Variants in BAIAP3 observed in about 807,000 individuals in gnomAD.
The protein encoded by BAIAP3 is BAI1 associated protein 3.
BAIAP3 carries 180 observed loss-of-function variants against 149.7 expected under a neutral mutation model. The ratio of observed to expected loss-of-function variants is 1.20; its 90% CI spans 1.07 to 1.36. The LOEUF (loss-of-function observed/expected upper bound fraction) is 1.36. BAIAP3 is among the 40% of genes most tolerant of loss of function. The pLI is 0.00. For missense variants in BAIAP3, 1,767 were observed against 1,563.4 expected, an observed-to-expected ratio of 1.13 and a Z score of -2.20; for synonymous variants, 845 against 670.7, an observed-to-expected ratio of 1.26 and a Z score of -4.02.
Position 1,347,794 on chromosome 16 carries a change from G to C in BAIAP3, c.2998G>C (p.Ala1000Pro), listed in dbSNP as rs748030455. 1.2e-6 allele frequency: 2 copies of C among 1,607,368 alleles called. No homozygotes were observed. Among genetic ancestry groups the C allele is most frequent in the African/African-American group, 1.3e-5 (1 of 74,832 alleles). Residue 1000 changes from alanine (A) to proline (P), a missense_variant, in exon 31 of 34, where the codon GCG becomes CCG. Coordinates refer to ENST00000426824, the MANE Select transcript of BAIAP3 (RefSeq NM_001199097.2). The stretch of plus-strand genomic sequence containing the variant: ...GCTGGCCGTGGAGGTGCTGCACGCC[G>C]CGGACCTGCTCCCCCTGGACGCCAA... ...QRLAVEVLHA[A>P]DLLPLDANGL...
At position 1,346,271 on chromosome 16, in the gene BAIAP3, G is replaced by T; in HGVS notation, c.2403G>T (p.Val801=). The T allele has an allele frequency of 1.2e-6, 2 of 1,609,754 alleles. No homozygotes were observed. The highest frequency in any genetic ancestry group is 1.7e-6 in the Non-Finnish European group (2 of 1,178,132). ...AGGGGGCCACGGGGCCCGAGGGGGT[G>T]CTCCCCCGCCCTCTGCTCAGCTGCA... ...WPEGATGPEG[V]LPRPLLSCTQ... is the part of the protein sequence containing the mutation. Residue 801 remains valine, a synonymous_variant, in exon 25 of 34, where the codon GTG becomes GTT. Coordinates refer to ENST00000426824, the MANE Select transcript of BAIAP3 (RefSeq NM_001199097.2).
intron 15 of BAIAP3, among the ~76,000 whole-genome samples, 160 bp from the exon 16 acceptor site, chr16:1,343,862 C>T (rs2034106948): frequency 8.1e-6 from 1 of 123,314 alleles, no homozygotes; most frequent in East Asian, 2.0e-4. Flanking sequence ...TGGGACAGGC[C>T]GTCTGGGACA....
chr16:1,349,029 C>T lies in BAIAP3; in HGVS notation c.*547C>T, dbSNP rs533433331. ...TCCAGTCCCCACGGGGCTCCCAGGC[C>T]GGGGAAAGGTTCCCCTGAGGTCACT... On this transcript the variant is annotated 3_prime_UTR_variant, in exon 34 of 34. Coordinates refer to ENST00000426824, the MANE Select transcript of BAIAP3 (RefSeq NM_001199097.2). The T allele has an allele frequency of 4.2e-5, 12 of 284,210 alleles. No individual in the cohort carries two copies. The highest frequency in any genetic ancestry group is 1.1e-4 in the African/African-American group (5 of 45,138). 17.6% of individuals were successfully genotyped at this position (284,210 alleles called of 1,614,324 possible).
chr16:1,336,893 G>A (rs145162485), intron 1 of BAIAP3, among the ~76,000 whole-genome samples: 1 of 152,364 alleles, frequency 6.6e-6, no homozygotes, highest in East Asian at 1.9e-4. Context: ...CACTGGCAAG[G>A]GAAGGGACCC....
At chr16:1,339,447 GCTGGGGGC>G (rs1567159805) in intron 4 of BAIAP3, 41 bp from the exon 5 acceptor site, 1 of 1,559,920 alleles carries the variant, frequency 6.4e-7, no homozygotes, top group Admixed American at 1.8e-5. Flanking sequence ...GCTGCTGAGG[GCTGGGGGC>G]CTGGGACGCG....
rs763915243 is a variant in BAIAP3, at chr16:1,338,544, C to T, written c.-6C>T. 2.5e-6 allele frequency: 4 copies of T among 1,602,490 alleles called. No individual in the cohort carries two copies. Among genetic ancestry groups the T allele is most frequent in the Middle Eastern group, 1.8e-4 (1 of 5,614 alleles). On this transcript the variant is annotated 5_prime_UTR_variant, in exon 2 of 34. Transcript: ENST00000426824. Reference sequence around the variant, plus strand: ...GGGCTGTGCTCTCTGCTGTAGGTCACCCGCCATGTCGACCTTGCTGGACAT... The same window carrying T: ...GGGCTGTGCTCTCTGCTGTAGGTCATCCGCCATGTCGACCTTGCTGGACAT...
At chr16:1,339,429 C>G in intron 4 of BAIAP3, 67 bp from the exon 5 acceptor site, 1 of 1,522,080 alleles carries the variant, frequency 6.6e-7, no homozygotes, top group Admixed American at 1.9e-5. Context: ...CTCAGGCAGA[C>G]AGGAGGTGCT....
In BAIAP3 at chr16:1,348,233, C is replaced by T; in HGVS notation, c.3287C>T (p.Pro1096Leu). 6.2e-7 allele frequency: 1 copy of T among 1,606,446 alleles called. No homozygotes were observed. Among genetic ancestry groups the T allele is most frequent in the Non-Finnish European group, 8.5e-7 (1 of 1,178,530 alleles). The change falls in exon 33 of 34, where the codon CCC becomes CTC. Residue 1096 changes from proline (P) to leucine (L), a missense_variant. Coordinates refer to ENST00000426824, the MANE Select transcript of BAIAP3 (RefSeq NM_001199097.2). ...GLGGVTGVAR[P>L]QVGGGARAGQ... Reference sequence around the variant, plus strand: ...GGTGGCGTCACTGGTGTCGCCCGGCCCCAGGTGGGCGGGGGTGCAAGGGCT... The same window carrying T: ...GGTGGCGTCACTGGTGTCGCCCGGCTCCAGGTGGGCGGGGGTGCAAGGGCT...
chr16:1,347,520 C>CG, intron 29 of BAIAP3, 25 bp from the exon 30 acceptor site: 1 of 1,587,382 alleles, frequency 6.3e-7, no homozygotes, highest in African/African-American at 1.3e-5. Flanking sequence ...CCCAGGGGCC[C>CG]CTCCTGATGC....
At chr16:1,340,852 G>A in intron 5 of BAIAP3, 70 bp from the exon 6 acceptor site, 1 of 1,499,200 alleles carries the variant, frequency 6.7e-7, no homozygotes, top group Non-Finnish European at 9.1e-7. Flanking sequence ...CTGAGCCCGA[G>A]GTCCCAGCAC....
At position 1,346,481 on chromosome 16, in the gene BAIAP3, C is replaced by A. The variant is rs1369514927; in HGVS notation, c.2533C>A (p.Leu845Ile). 1 of 1,612,180 alleles carries A rather than the reference C, an allele frequency of 6.2e-7. No individual in the cohort carries two copies. The highest frequency in any genetic ancestry group is 2.2e-5 in the East Asian group (1 of 44,844). ...CCGCAAGTATGTACAGCACATCAGT[C>A]TCTCGCCTGACTCCATCCAGAACGA... ...DIRKYVQHISLSPDSIQNDEA... is the reference protein window; with the variant it reads ...DIRKYVQHISISPDSIQNDEA... Residue 845 changes from leucine (L) to isoleucine (I), a missense_variant, in exon 26 of 34, where the codon CTC (leucine) becomes ATC (isoleucine). Physicochemically the swap from Leu to Ile is conservative, Grantham distance 5. Transcript: ENST00000426824.
Position 1,345,845 on chromosome 16 carries a change from G to T in BAIAP3, c.2163G>T (p.Trp721Cys). 1 of 1,579,144 alleles carries T rather than the reference G, an allele frequency of 6.3e-7. No individual in the cohort carries two copies. Among genetic ancestry groups the T allele is most frequent in the Non-Finnish European group, 8.6e-7 (1 of 1,164,506 alleles). ...AGGAGTTGTGGGTGCGCCTGGCGTG[G>T]CCTGACCCTGCCCAGGCTCAGGGGC... Reference protein sequence around the residue: ...HIQELWVRLAWPDPAQAQGLG... With the variant: ...HIQELWVRLACPDPAQAQGLG... The change falls in exon 23 of 34, where the codon TGG becomes TGT. Residue 721 changes from tryptophan (W) to cysteine (C), a missense_variant. Trp to Cys is a radical substitution (Grantham distance 215). Transcript: ENST00000426824.
Position 1,345,845 on chromosome 16 carries a change from GC to G in BAIAP3, c.2165del (p.Pro722LeufsTer43). The G allele has an allele frequency of 1.3e-6, 2 of 1,579,144 alleles. No individual in the cohort carries two copies. The highest frequency in any genetic ancestry group is 1.7e-6 in the Non-Finnish European group (2 of 1,164,506). On this transcript the variant is annotated frameshift_variant, in exon 23 of 34. Transcript: ENST00000426824. LOFTEE classifies it high-confidence loss of function. The part of the protein sequence containing the change: ...IQELWVRLAW[P>X]DPAQAQGLGT... ...AGGAGTTGTGGGTGCGCCTGGCGTG[GC>G]CTGACCCTGCCCAGGCTCAGGGGCT...
chr16:1,346,570 C>T (rs377158257), intron 26 of BAIAP3, 35 bp from the exon 27 acceptor site: 14 of 1,569,668 alleles, frequency 8.9e-6, no homozygotes, highest in South Asian at 5.8e-5. Flanking sequence ...GGCAGAGGTG[C>T]GGGGTAAGCC....
rs2034316531 is a variant in BAIAP3, at chr16:1,345,824, G to C, written c.2142G>C (p.Glu714Asp). The C allele has an allele frequency of 6.3e-7, 1 of 1,581,002 alleles. No homozygotes were observed. ...TAGLCLSHIQ[E>D]LWVRLAWPDP... ...GTCTCTGCCTCAGCCACATCCAGGAGTTGTGGGTGCGCCTGGCGTGGCCTG... is the reference window on the plus strand; with the variant it reads ...GTCTCTGCCTCAGCCACATCCAGGACTTGTGGGTGCGCCTGGCGTGGCCTG... Residue 714 changes from glutamate (E) to aspartate (D), a missense_variant, in exon 23 of 34, where the codon GAG becomes GAC. Physicochemically the swap from Glu to Asp is conservative, Grantham distance 45 (BLOSUM62 2). Coordinates refer to ENST00000426824, the MANE Select transcript of BAIAP3 (RefSeq NM_001199097.2).
At chr16:1,333,785 C>T (rs1287277339) in intron 1 of BAIAP3, 36 bp downstream of exon 1, 1 of 152,076 alleles carries the variant, frequency 6.6e-6, no homozygotes, top group African/African-American at 2.4e-5. Flanking sequence ...GCTGTTGGGC[C>T]GCCGTCTGGG....
chr16:1,342,276 C>G lies in BAIAP3; in HGVS notation c.950C>G (p.Pro317Arg), dbSNP rs1183877797. The G allele has an allele frequency of 1.7e-5, 28 of 1,612,354 alleles. No individual in the cohort carries two copies. Among genetic ancestry groups the G allele is most frequent in the Non-Finnish European group, 2.3e-5 (27 of 1,179,748 alleles). ...TDDFLGCLNIPVREVPVAGVD... is the reference protein window; with the variant it reads ...TDDFLGCLNIRVREVPVAGVD... Reference sequence around the variant, plus strand: ...GACTTCCTGGGGTGCCTCAACATACCTGTCCGGGTGAGTGGGTGTGGGGTG... The same window carrying G: ...GACTTCCTGGGGTGCCTCAACATACGTGTCCGGGTGAGTGGGTGTGGGGTG... Residue 317 changes from proline (P) to arginine (R), a missense_variant, in exon 11 of 34, where the codon CCT becomes CGT. By Grantham distance (103) the Pro-to-Arg change is moderately radical (BLOSUM62 -2). Transcript: ENST00000426824.
rs779438229 is a variant in BAIAP3, at chr16:1,345,896, T to A, written c.2208+6T>A. 5 of 1,578,194 alleles carry A rather than the reference T, an allele frequency of 3.2e-6. No homozygotes were observed. Among genetic ancestry groups the A allele is most frequent in the Non-Finnish European group, 8.6e-7 (1 of 1,162,998 alleles). ...TGGGCACCCAGCTTGGCCAGGTGTGTGGGTGGGCCCTGGGGGTGAGGGGAA... is the reference window on the plus strand; with the variant it reads ...TGGGCACCCAGCTTGGCCAGGTGTGAGGGTGGGCCCTGGGGGTGAGGGGAA... On this transcript the variant is annotated splice_donor_region_variant and intron_variant, in intron 23 of 33. Coordinates refer to ENST00000426824, the MANE Select transcript of BAIAP3 (RefSeq NM_001199097.2).
intron 1 of BAIAP3, among the ~76,000 whole-genome samples, chr16:1,336,792 G>A (rs763036971): frequency 1.3e-5 from 2 of 152,192 alleles, no homozygotes; most frequent in Non-Finnish European, 2.9e-5. Flanking sequence ...GCTGGTCTTC[G>A]TTTCCTCTCC....
Sources: allele counts gnomAD v4.1 joint callset (sites outside exome capture counted in the v4.1 genomes callset), GRCh38; gene constraint gnomAD v4.1.1; transcripts MANE v1.5; gene names NCBI Gene and HGNC (gene_info 2026-07-23, HGNC 2026-07-21).